The following RBFOX1 variants were observed in gnomAD, a reference collection of about 807,000 sequenced individuals.
RBFOX1 encodes the protein RNA binding protein fox-1 homolog 1.
RBFOX1 carries 8 observed loss-of-function variants against 57.7 expected under a neutral mutation model. That is an observed-to-expected ratio of 0.14 (90% confidence interval 0.08 to 0.25). The LOEUF (loss-of-function observed/expected upper bound fraction) is 0.25, where lower values mean the gene tolerates loss of function less well. Among genes scored for constraint, RBFOX1 ranks in the 10% least tolerant of loss-of-function variants. The pLI is 1.00. For synonymous variants in RBFOX1, 326 were observed against 222.4 expected (o/e 1.47, Z -4.15); for missense variants, 611 against 548.5 (o/e 1.11, Z -1.14).
At chr16:6,152,012 C>T (rs1214848044) in intron 1 of RBFOX1, among the ~76,000 whole-genome samples, 1 of 152,170 alleles carries the variant, frequency 6.6e-6, no homozygotes, top group Non-Finnish European at 1.5e-5. Flanking sequence ...CCTTGGGTTT[C>T]TAAATGATTT....
At chr16:5,900,699 G>T (rs1182230449) in intron 4 of RBFOX1, among the ~76,000 whole-genome samples, 1 of 152,160 alleles carries the variant, frequency 6.6e-6, no homozygotes, top group African/African-American at 2.4e-5. Flanking sequence ...AGCAAGTCAT[G>T]CGGGGTTCTT....
intron 3 of RBFOX1, among the ~76,000 whole-genome samples, chr16:6,820,143 C>G (rs1211451562): frequency 6.6e-6 from 1 of 152,182 alleles, no homozygotes; most frequent in Non-Finnish European, 1.5e-5. Flanking sequence ...CACACTGTCT[C>G]TTGCCTGCCG....
At chr16:6,103,219 A>T (rs1299279513) in intron 1 of RBFOX1, among the ~76,000 whole-genome samples, 1 of 151,894 alleles carries the variant, frequency 6.6e-6, no homozygotes, top group Non-Finnish European at 1.5e-5. Context: ...TGGGGTCTGA[A>T]CCCTGTGGGT....
chr16:7,706,525 G>C (rs913947198), intron 14 of RBFOX1, among the ~76,000 whole-genome samples: 6 of 152,164 alleles, frequency 3.9e-5, no homozygotes, highest in African/African-American at 1.2e-4. Context: ...TGCCCATATA[G>C]TGTCTCCCCA....
chr16:5,813,413 C>T (rs113256703), intron 3 of RBFOX1, among the ~76,000 whole-genome samples: 7 of 152,324 alleles, frequency 4.6e-5, no homozygotes, highest in Admixed American at 1.3e-4. Context: ...CCCCGGCCCT[C>T]AGTAACCACT....
At chr16:5,421,899 C>A (rs888884416) in intron 1 of RBFOX1, among the ~76,000 whole-genome samples, 1 of 152,232 alleles carries the variant, frequency 6.6e-6, no homozygotes, top group South Asian at 2.1e-4. Flanking sequence ...CATGAAAACC[C>A]AAACTCAATA....
At chr16:5,734,621 C>G (rs1237860926) in intron 3 of RBFOX1, among the ~76,000 whole-genome samples, 6 of 152,124 alleles carry the variant, frequency 3.9e-5, no homozygotes, top group Non-Finnish European at 8.8e-5. Flanking sequence ...GATCTCAAAG[C>G]TAGGTTCACG....
intron 4 of RBFOX1, among the ~76,000 whole-genome samples, chr16:7,512,272 T>C (rs1230027510): frequency 6.6e-6 from 1 of 152,186 alleles, no homozygotes; most frequent in Non-Finnish European, 1.5e-5. Flanking sequence ...GGATTTGCTG[T>C]GACCTGGAGT....
intron 4 of RBFOX1, among the ~76,000 whole-genome samples, chr16:7,475,385 G>C (rs980413978): frequency 1.3e-4 from 20 of 151,296 alleles, no homozygotes; most frequent in Admixed American, 3.3e-4. Context: ...CGCGATCTCG[G>C]CTCACTGCAA....
intron 3 of RBFOX1, among the ~76,000 whole-genome samples, chr16:6,839,306 C>T (rs1290292939): frequency 6.6e-6 from 1 of 152,134 alleles, no homozygotes; most frequent in Non-Finnish European, 1.5e-5. Flanking sequence ...ACATAGCTGC[C>T]TCAGTCTGAA....
chr16:5,890,419 C>G (rs567143625), intron 4 of RBFOX1, among the ~76,000 whole-genome samples: 26 of 152,218 alleles, frequency 1.7e-4, no homozygotes, highest in African/African-American at 6.0e-4. Context: ...GAAGTGAAGG[C>G]TGGGCGCAGT....
At chr16:5,579,691 G>A (rs1300912673) in intron 2 of RBFOX1, among the ~76,000 whole-genome samples, 6 of 152,078 alleles carry the variant, frequency 3.9e-5, no homozygotes, top group Non-Finnish European at 7.4e-5. Context: ...AGGTCTTGAA[G>A]CTCGCTTGAC....
At chr16:6,728,929 A>T (rs547652693) in intron 3 of RBFOX1, among the ~76,000 whole-genome samples, 55 of 152,294 alleles carry the variant, frequency 3.6e-4, no homozygotes, top group African/African-American at 1.3e-3. Flanking sequence ...ATACATACGC[A>T]CACGTATATT....
At chr16:6,597,016 T>C (rs1038623528) in intron 2 of RBFOX1, among the ~76,000 whole-genome samples, 2 of 152,196 alleles carry the variant, frequency 1.3e-5, no homozygotes, top group African/African-American at 4.8e-5. Flanking sequence ...GAAAGCTTTC[T>C]TATCAACTTG....
intron 4 of RBFOX1, among the ~76,000 whole-genome samples, chr16:7,110,416 G>T (rs1305961820): frequency 1.3e-5 from 2 of 151,972 alleles, no homozygotes; most frequent in African/African-American, 4.8e-5. Context: ...GTTGAAAGAT[G>T]AATTTGCTTG....
chr16:7,425,498 A>G (rs2098601691), intron 4 of RBFOX1, among the ~76,000 whole-genome samples: 1 of 152,206 alleles, frequency 6.6e-6, no homozygotes, highest in Admixed American at 6.5e-5. Flanking sequence ...CATTTATATC[A>G]GGATGAATCA....
At chr16:7,215,569 AT>A (rs1245597201) in intron 4 of RBFOX1, among the ~76,000 whole-genome samples, 1 of 152,160 alleles carries the variant, frequency 6.6e-6, no homozygotes, top group East Asian at 1.9e-4. Flanking sequence ...TTGTAAGTAC[AT>A]TTACTGAGTT....
At chr16:7,308,408 G>T (rs971937915) in intron 4 of RBFOX1, among the ~76,000 whole-genome samples, 8 of 151,032 alleles carry the variant, frequency 5.3e-5, no homozygotes, top group Admixed American at 2.0e-4. Context: ...TTCTAAGAAA[G>T]CTTCTTATCT....
chr16:6,514,746 C>T (rs192483986), intron 2 of RBFOX1, among the ~76,000 whole-genome samples: 26 of 152,060 alleles, frequency 1.7e-4, no homozygotes, highest in African/African-American at 6.0e-4. Flanking sequence ...GGTAATTATT[C>T]TTATTGTAAT....
Sources: allele counts gnomAD v4.1 joint callset (sites outside exome capture counted in the v4.1 genomes callset), GRCh38; gene constraint gnomAD v4.1.1; transcripts MANE v1.5; gene names NCBI Gene and HGNC (gene_info 2026-07-23, HGNC 2026-07-21).